Variants in SNX25 observed in about 807,000 individuals in gnomAD.
SNX25 encodes sorting nexin-25.
In SNX25, 62 loss-of-function variants were observed where a neutral mutation model predicts 113.7. The ratio of observed to expected loss-of-function variants is 0.55; its 90% CI spans 0.44 to 0.67. The LOEUF (loss-of-function observed/expected upper bound fraction) is 0.67. Among genes scored for constraint, SNX25 ranks in the 30% least tolerant of loss-of-function variants. The probability of loss-of-function intolerance (pLI) is 0.00; values close to 1 mark genes in which losing one functional copy is unlikely to be tolerated. For synonymous variants in SNX25, 421 were observed against 436.2 expected (o/e 0.97, Z 0.43); for missense variants, 1,014 against 1,161.0 (o/e 0.87, Z 1.84).
chr4:185,351,584 C>G lies in SNX25; in HGVS notation c.2441C>G (p.Pro814Arg). The stretch of plus-strand genomic sequence containing the variant: ...TTATCCTCATTTTTGGAAAGACTTC[C>G]TCGCGACTTCTTCTCCCACCAGGAG... ...FSLSSFLERL[P>R]RDFFSHQEEE... is the part of the protein sequence containing the mutation. The change falls in exon 14 of 19, where the codon CCT (proline) becomes CGT (arginine). Residue 814 changes from proline (P) to arginine (R), a missense_variant. Coordinates refer to ENST00000652585, the MANE Select transcript of SNX25 (RefSeq NM_001378034.2). The G allele has an allele frequency of 6.2e-7, 1 of 1,614,100 alleles. No homozygotes were observed. Among genetic ancestry groups the G allele is most frequent in the East Asian group, 2.2e-5 (1 of 44,880 alleles).
chr4:185,210,954 C>A lies in SNX25; in HGVS notation c.429+699C>A, dbSNP rs919967783. On this transcript the variant is annotated intron_variant, in intron 1 of 18. Transcript: ENST00000652585. The surrounding 1 kb of genome is among the most constrained non-coding windows in gnomAD (Gnocchi z 4.4). ...GTTTTAAATGAGCGCTTCTCTTCTT[C>A]AGTGCCAAACCCACTGCCCCATCTT... is the stretch of plus-strand genomic sequence containing the variant. 6.6e-6 allele frequency among the ~76,000 whole-genome samples: 1 copy of A among 152,166 alleles called. No individual in the cohort carries two copies.
At chr4:185,375,487 A>AAAATATATATATATAT in the SNX25 span, 2 of 12,016 alleles carry the variant, frequency 1.7e-4, no homozygotes, top group Non-Finnish European at 2.9e-4. Flanking sequence ...AAAAAAAAAA[A>AAAATATATATATATAT]ATATATATAT....
intron 6 of SNX25, among the ~76,000 whole-genome samples, chr4:185,305,168 A>T (rs932861449): frequency 1.3e-5 from 2 of 152,066 alleles, no homozygotes; most frequent in East Asian, 3.9e-4. Flanking sequence ...GGGGGAAGGG[A>T]TGCTACTGGC....
chr4:185,255,465 T>A (rs1264745434), intron 2 of SNX25, among the ~76,000 whole-genome samples: 2 of 152,154 alleles, frequency 1.3e-5, no homozygotes, highest in African/African-American at 4.8e-5. Flanking sequence ...ATGTATAGTT[T>A]TTTGATACTT....
In SNX25 at chr4:185,363,267, G is replaced by C. The variant is rs2126764053; in HGVS notation, c.2935-118G>C. On this transcript the variant is annotated intron_variant, in intron 18 of 18. Coordinates refer to ENST00000652585, the MANE Select transcript of SNX25 (RefSeq NM_001378034.2). The surrounding 1 kb of genome is among the most constrained non-coding windows in gnomAD (Gnocchi z 4.2). ...ATTAAATACTGTTTGAGAGTTACTTGTTTACTGAGATAATTTCAGACCTAA... is the reference window on the plus strand; with the variant it reads ...ATTAAATACTGTTTGAGAGTTACTTCTTTACTGAGATAATTTCAGACCTAA... 1.2e-6 allele frequency: 1 copy of C among 840,494 alleles called. No homozygotes were observed. Among genetic ancestry groups the C allele is most frequent in the Middle Eastern group, 2.4e-4 (1 of 4,116 alleles). The allele number at this position is 840,494 out of a possible 1,614,324, so 52.1% of individuals were successfully genotyped here.
intron 5 of SNX25, among the ~76,000 whole-genome samples, chr4:185,279,953 C>T (rs1750325629): frequency 6.6e-6 from 1 of 152,086 alleles, no homozygotes; most frequent in Non-Finnish European, 1.5e-5. Flanking sequence ...CAGGGTCTCA[C>T]TCTGTCACCC....
chr4:185,267,918 A>G (rs1320978825), intron 5 of SNX25, among the ~76,000 whole-genome samples: 6 of 152,192 alleles, frequency 3.9e-5, no homozygotes. Context: ...AAGAGAAAAT[A>G]TATTTACTAT....
At chr4:185,361,602 G>T (rs1017317919) in intron 16 of SNX25, among the ~76,000 whole-genome samples, 18 of 152,102 alleles carry the variant, frequency 1.2e-4, no homozygotes, top group African/African-American at 4.3e-4. Context: ...GCCAGGCATG[G>T]TGGCACGTGC....
chr4:185,349,807 C>T (rs945094098), intron 13 of SNX25, among the ~76,000 whole-genome samples: 3 of 152,188 alleles, frequency 2.0e-5, no homozygotes, highest in African/African-American at 7.2e-5. Context: ...CAAAGATTTA[C>T]ATCTGTAATG....
chr4:185,206,521 T>C (rs1737191609), upstream of SNX25, among the ~76,000 whole-genome samples: 1 of 151,892 alleles, frequency 6.6e-6, no homozygotes, highest in Non-Finnish European at 1.5e-5. Flanking sequence ...TAGCCAGGCA[T>C]GCTGATGCAT....
At position 185,259,414 on chromosome 4, in the gene SNX25, C is replaced by T. The variant is rs576839206; in HGVS notation, c.731+350C>T. Among the ~76,000 whole-genome samples, 8 of 152,154 alleles carry T rather than the reference C, an allele frequency of 5.3e-5. No individual in the cohort carries two copies. In the South Asian group the frequency reaches 8.3e-4, roughly 16 times the overall value. On this transcript the variant is annotated intron_variant, in intron 3 of 18. Coordinates refer to ENST00000652585, the MANE Select transcript of SNX25 (RefSeq NM_001378034.2). ...TGAATGAGTTTACAGTATTTAGACACGTTTAAATATGGTTCATGTTTCTTT... is the reference window on the plus strand; with the variant it reads ...TGAATGAGTTTACAGTATTTAGACATGTTTAAATATGGTTCATGTTTCTTT...
intron 1 of SNX25, among the ~76,000 whole-genome samples, chr4:185,227,138 T>G (rs1049172977): frequency 2.4e-4 from 36 of 152,212 alleles, no homozygotes; most frequent in African/African-American, 8.4e-4. Flanking sequence ...GCAAGGAAAA[T>G]GTGCTCAGAA....
intron 17 of SNX25, 197 bp from the exon 18 acceptor site, chr4:185,362,414 T>C: frequency 1.1e-6 from 1 of 923,646 alleles, no homozygotes; most frequent in Non-Finnish European, 1.3e-6. Flanking sequence ...TTGAAAAATA[T>C]TAAAATTGTA....
chr4:185,370,482 C>A (rs1333765039), downstream of SNX25, among the ~76,000 whole-genome samples: 1 of 152,134 alleles, frequency 6.6e-6, no homozygotes, highest in Non-Finnish European at 1.5e-5. Context: ...ACAGAATTGT[C>A]TGCAAACAAT....
intron 6 of SNX25, among the ~76,000 whole-genome samples, chr4:185,299,116 A>G (rs1452230701): frequency 2.0e-5 from 3 of 152,214 alleles, no homozygotes; most frequent in African/African-American, 7.2e-5. Context: ...AGCAGAGGTC[A>G]AGAAAGACTT....
At chr4:185,347,245 T>A (rs2095291673) in intron 13 of SNX25, among the ~76,000 whole-genome samples, 1 of 152,246 alleles carries the variant, frequency 6.6e-6, no homozygotes, top group Non-Finnish European at 1.5e-5. Context: ...GTACTTGTCT[T>A]TTGACAAATA....
chr4:185,279,163 A>G (rs964500641), intron 5 of SNX25, among the ~76,000 whole-genome samples: 1 of 151,462 alleles, frequency 6.6e-6, no homozygotes, highest in South Asian at 2.1e-4. Context: ...GTCTATTTTT[A>G]TAACTTTATA....
At chr4:185,270,878 A>G (rs1361185264) in intron 5 of SNX25, among the ~76,000 whole-genome samples, 1 of 152,210 alleles carries the variant, frequency 6.6e-6, no homozygotes, top group African/African-American at 2.4e-5. Context: ...TTTTGGCTGA[A>G]TAATATTCCA....
chr4:185,295,528 C>T (rs1206049889), intron 6 of SNX25, among the ~76,000 whole-genome samples: 1 of 150,776 alleles, frequency 6.6e-6, no homozygotes, highest in African/African-American at 2.4e-5. Flanking sequence ...CGGCTCACTG[C>T]AGTCTTGACC....
Sources: gnomAD v4.1 joint callset for allele counts (sites outside exome capture counted in the v4.1 genomes callset) on GRCh38, gnomAD v4.1.1 for gene constraint, Gnocchi (gnomAD v3.1) non-coding constraint, MANE v1.5 for transcripts, NCBI Gene and HGNC (gene_info 2026-07-23, HGNC 2026-07-21) for gene names.